Variants in PCP4L1 observed in about 807,000 individuals in gnomAD.
PCP4L1 encodes Purkinje cell protein 4 like 1.
Under a neutral mutation model 9.6 loss-of-function variants are expected in PCP4L1, and 9 were observed. The ratio of observed to expected loss-of-function variants is 0.94; its 90% CI spans 0.57 to 1.64. PCP4L1 has a LOEUF of 1.64. Ranked by LOEUF, PCP4L1 falls within the 40% of genes most tolerant of loss-of-function variation. PCP4L1 has a pLI of 0.00. For missense variants in PCP4L1, 81 were observed against 80.8 expected, an observed-to-expected ratio of 1.00 and a Z score of -0.01; for synonymous variants, 31 against 28.2, an observed-to-expected ratio of 1.10 and a Z score of -0.31.
chr1:161,283,875 T>C (rs957701273), intron 2 of PCP4L1, among the ~76,000 whole-genome samples, 153 bp downstream of exon 2: 2 of 146,600 alleles, frequency 1.4e-5, no homozygotes, highest in African/African-American at 5.0e-5. Context: ...TACAGTACTA[T>C]ATCTATAGGC....
intron 1 of PCP4L1, among the ~76,000 whole-genome samples, chr1:161,272,172 G>A (rs1669634016): frequency 7.6e-6 from 1 of 132,056 alleles, no homozygotes; most frequent in South Asian, 2.6e-4. Flanking sequence ...ATAGTGATCA[G>A]ATTGGGGTAA....
intron 1 of PCP4L1, among the ~76,000 whole-genome samples, chr1:161,282,061 G>A (rs543427969): frequency 7.8e-4 from 119 of 152,328 alleles, no homozygotes; most frequent in African/African-American, 2.6e-3. Context: ...GTTGTAGCAA[G>A]CGGAGATCAT....
chr1:161,261,705 G>A (rs1170032540), intron 1 of PCP4L1, among the ~76,000 whole-genome samples: 1 of 152,204 alleles, frequency 6.6e-6, no homozygotes, highest in Non-Finnish European at 1.5e-5. Context: ...GGAATCCCTT[G>A]GTCCAGCAGT....
intron 1 of PCP4L1, among the ~76,000 whole-genome samples, chr1:161,279,580 G>C (rs1460240094): frequency 6.6e-6 from 1 of 152,192 alleles, no homozygotes; most frequent in Non-Finnish European, 1.5e-5. Context: ...TTCAACAGAG[G>C]TCTGCATCTG....
At chr1:161,271,977 CTTT>C (rs34495529) in intron 1 of PCP4L1, among the ~76,000 whole-genome samples, 1 of 135,888 alleles carries the variant, frequency 7.4e-6, no homozygotes, top group Non-Finnish European at 1.6e-5. Context: ...TTGGACTAAC[CTTT>C]TTTTTTTTTA....
intron 1 of PCP4L1, among the ~76,000 whole-genome samples, chr1:161,269,700 C>A (rs890410361): frequency 1.6e-4 from 24 of 152,026 alleles, no homozygotes; most frequent in Admixed American, 1.4e-3. Flanking sequence ...GCCTTTTAGG[C>A]CGTATTAAGG....
intron 1 of PCP4L1, among the ~76,000 whole-genome samples, chr1:161,265,202 T>G (rs914627536): frequency 3.3e-5 from 5 of 152,168 alleles, no homozygotes; most frequent in African/African-American, 4.8e-5. Context: ...GTTTGGCCGT[T>G]TGACTTCCAA....
chr1:161,284,750 C>A lies in PCP4L1; in HGVS notation c.*269C>A. 2.2e-6 allele frequency: 1 copy of A among 460,766 alleles called. No individual in the cohort carries two copies. The highest frequency in any genetic ancestry group is 3.2e-5 in the South Asian group (1 of 31,546). The allele number at this position is 460,766 out of a possible 1,614,324, so 28.5% of individuals were successfully genotyped here. On this transcript the variant is annotated 3_prime_UTR_variant, in exon 3 of 3. Transcript: ENST00000504449. ...GTTCTTTGATCAGTAGCTATGCCTG[C>A]CCTGTAGGGCTAAACAAGAGGCTTC... is the stretch of plus-strand genomic sequence containing the variant.
intron 1 of PCP4L1, among the ~76,000 whole-genome samples, chr1:161,281,404 C>T (rs1669794373): frequency 6.6e-6 from 1 of 152,148 alleles, no homozygotes; most frequent in South Asian, 2.1e-4. Context: ...CTCCTCACTT[C>T]CCACAAGGGG....
intron 1 of PCP4L1, among the ~76,000 whole-genome samples, chr1:161,265,360 G>C (rs148441136): frequency 6.6e-6 from 1 of 152,038 alleles, no homozygotes; most frequent in Admixed American, 6.6e-5. Context: ...GCAAGACCCC[G>C]TCTTTACAAA....
At chr1:161,264,315 G>A (rs1194601335) in intron 1 of PCP4L1, among the ~76,000 whole-genome samples, 1 of 151,668 alleles carries the variant, frequency 6.6e-6, no homozygotes, top group Non-Finnish European at 1.5e-5. Context: ...TCAGGAGTTC[G>A]AGACCAGCCT....
At chr1:161,275,014 G>T (rs543752115) in intron 1 of PCP4L1, among the ~76,000 whole-genome samples, 2 of 152,200 alleles carry the variant, frequency 1.3e-5, no homozygotes, top group Non-Finnish European at 2.9e-5. Context: ...AACCCCGGGG[G>T]GTGGGGGGAC....
intron 1 of PCP4L1, among the ~76,000 whole-genome samples, chr1:161,265,172 T>A (rs1035822036): frequency 3.3e-5 from 5 of 152,194 alleles, no homozygotes; most frequent in African/African-American, 1.2e-4. Flanking sequence ...AAACAGCCTC[T>A]GGGTATTCAG....
At chr1:161,279,866 CTA>C (rs1669764498) in intron 1 of PCP4L1, among the ~76,000 whole-genome samples, 1 of 152,044 alleles carries the variant, frequency 6.6e-6, no homozygotes, top group African/African-American at 2.4e-5. Context: ...TAGGATCTTG[CTA>C]TGTCTTGCCA....
At chr1:161,268,550 C>CTT (rs1669572055) in intron 1 of PCP4L1, among the ~76,000 whole-genome samples, 2 of 94,440 alleles carry the variant, frequency 2.1e-5, no homozygotes, top group African/African-American at 4.5e-5. Context: ...GTTCCTTTTA[C>CTT]CTTTTTTTTT....
rs896903385 is a variant in PCP4L1, at chr1:161,265,901, C to G, written c.9+6918C>G. ...TACAGGCACCCAACACCACGCCCGG[C>G]TAATTTTTTTGTATTTTTAGTAGAG... is the stretch of plus-strand genomic sequence containing the variant. On this transcript the variant is annotated intron_variant, in intron 1 of 2. Coordinates refer to ENST00000504449, the MANE Select transcript of PCP4L1 (RefSeq NM_001102566.2). Among the ~76,000 whole-genome samples, 3 of 151,870 alleles carry G rather than the reference C, an allele frequency of 2.0e-5. No homozygotes were observed. In the East Asian group the frequency reaches 5.8e-4, roughly 29 times the overall value.
Position 161,276,684 on chromosome 1 carries a change from A to C in PCP4L1, c.10-6984A>C, listed in dbSNP as rs1000634496. 1.9e-4 allele frequency among the ~76,000 whole-genome samples: 28 copies of C among 146,062 alleles called. 1 individual carries two copies. The highest frequency in any genetic ancestry group is 1.1e-3 in the South Asian group (5 of 4,690). ...TGACAAAGCAAGACTTATCTCTTAA[A>C]AAAAAAAAAAAGGAAAATATGTGTG... On this transcript the variant is annotated intron_variant, in intron 1 of 2. Coordinates refer to ENST00000504449, the MANE Select transcript of PCP4L1 (RefSeq NM_001102566.2).
intron 1 of PCP4L1, among the ~76,000 whole-genome samples, chr1:161,263,055 A>G (rs531178991): frequency 1.8e-4 from 27 of 152,236 alleles, no homozygotes; most frequent in Non-Finnish European, 3.8e-4. Flanking sequence ...GCTAAAGATC[A>G]TCTGGTCCAA....
intron 1 of PCP4L1, among the ~76,000 whole-genome samples, chr1:161,259,410 C>T (rs1435030051): frequency 6.6e-6 from 1 of 152,126 alleles, no homozygotes; most frequent in African/African-American, 2.4e-5. Context: ...AACAAGAACT[C>T]CATCCCTGGC....
Sources: gnomAD v4.1 joint callset for allele counts (sites outside exome capture counted in the v4.1 genomes callset) on GRCh38, gnomAD v4.1.1 for gene constraint, MANE v1.5 for transcripts, NCBI Gene and HGNC (gene_info 2026-07-23, HGNC 2026-07-21) for gene names.